The following LYPD8 variants were observed in gnomAD, a reference collection of about 807,000 sequenced individuals.
LYPD8 encodes the protein LY6/PLAUR domain containing 8, also known as ly6/PLAUR domain-containing protein 8.
A neutral mutation model predicts 1.7 loss-of-function variants in LYPD8; 8 were observed. The ratio of observed to expected loss-of-function variants is 4.58; its 90% confidence interval spans 2.69 to 8.27. The LOEUF is 8.27. Ranked by LOEUF, LYPD8 falls within the 30% of genes most tolerant of loss-of-function variation. LYPD8 has a pLI of 0.00. For synonymous variants in LYPD8, 50 were observed against 43.6 expected, an observed-to-expected ratio of 1.15 and a Z score of -0.58; for missense variants, 112 against 102.3, an observed-to-expected ratio of 1.09 and a Z score of -0.41.
rs1448523032 is a variant in LYPD8, at chr1:248,751,057, T to C, written c.25A>G (p.Ile9Val). 3 of 398,494 alleles carry C rather than the reference T, an allele frequency of 7.5e-6. No individual in the cohort carries two copies. Among genetic ancestry groups the C allele is most frequent in the Non-Finnish European group, 1.3e-5 (3 of 226,064 alleles). The allele number at this position is 398,494 out of a possible 1,614,324, so 24.7% of individuals were successfully genotyped here. ...ACAGCTGCAACAAGCACTGCAGTGA[T>C]ACCAGCAACGAGGATGCCCTTCATG... MKGILVAG[I>V]TAVLVAAVES... The change falls in exon 3 of 7, where the codon ATC becomes GTC. Residue 9 changes from isoleucine (I) to valine (V), a missense_variant. By Grantham distance (29) the Ile-to-Val change is conservative (BLOSUM62 3). Transcript: ENST00000590317.
At chr1:248,753,327 CAT>C in intron 2 of LYPD8, among the ~76,000 whole-genome samples, 2 of 123,178 alleles carry the variant, frequency 1.6e-5, no homozygotes, top group Non-Finnish European at 3.3e-5. Flanking sequence ...ACACACAACA[CAT>C]CACACACACC....
At chr1:248,753,560 A>AC (rs1662870639) in intron 2 of LYPD8, among the ~76,000 whole-genome samples, 22 of 109,932 alleles carry the variant, frequency 2.0e-4, no homozygotes, top group African/African-American at 8.6e-4. Flanking sequence ...AACACATCAC[A>AC]CACACAACAC....
chr1:248,746,381 G>A (rs1031268709), intron 5 of LYPD8, among the ~76,000 whole-genome samples: 4 of 152,204 alleles, frequency 2.6e-5, no homozygotes, highest in Non-Finnish European at 5.9e-5. Flanking sequence ...AGGCATGGCG[G>A]AAGTGCTGGT....
intron 2 of LYPD8, among the ~76,000 whole-genome samples, chr1:248,751,359 C>T (rs1330509129): frequency 1.3e-5 from 2 of 152,186 alleles, no homozygotes; most frequent in African/African-American, 4.8e-5. Flanking sequence ...TGAAACACAG[C>T]CAGGGGCCAT....
At chr1:248,741,004 A>G (rs1169260056) in intron 6 of LYPD8, among the ~76,000 whole-genome samples, 1 of 152,180 alleles carries the variant, frequency 6.6e-6, no homozygotes. Context: ...TAGTCCCACT[A>G]CTTGGAGGCT....
Position 248,739,766 on chromosome 1 carries a change from T to A in LYPD8, c.559A>T (p.Thr187Ser), listed in dbSNP as rs924194748. ...TCQFLSGENK[T>S]LGGVIFRKFE... ...TTTCGAAAGATGACTCCTCCAAGAG[T>A]CTTGTTTTCACCAGACAGGAACTGA... is the stretch of plus-strand genomic sequence containing the variant. The change falls in exon 7 of 7, where the codon ACT (threonine) becomes TCT (serine). Residue 187 changes from threonine (T) to serine (S), a missense_variant. Coordinates refer to ENST00000590317, the MANE Select transcript of LYPD8 (RefSeq NM_001085474.2). The surrounding 1 kb of genome is among the most constrained non-coding windows in gnomAD (Gnocchi z 4.3). The A allele has an allele frequency of 5.2e-6, 8 of 1,551,436 alleles. No individual in the cohort carries two copies. The African/African-American group carries it at 6.9e-5, about 13-fold the overall frequency.
chr1:248,750,835 T>G (rs1472945709), intron 3 of LYPD8, among the ~76,000 whole-genome samples, 192 bp from the exon 4 acceptor site: 3 of 152,080 alleles, frequency 2.0e-5, no homozygotes, highest in African/African-American at 7.2e-5. Flanking sequence ...TGCTCACTAT[T>G]CCCCAGTAGA....
intron 2 of LYPD8, among the ~76,000 whole-genome samples, chr1:248,753,058 C>T (rs1662846581): frequency 1.1e-5 from 1 of 91,616 alleles, no homozygotes; most frequent in African/African-American, 4.7e-5. Context: ...CACACACACA[C>T]CCCACACACC....
At chr1:248,752,785 C>T (rs1290417716) in intron 2 of LYPD8, among the ~76,000 whole-genome samples, 8 of 99,136 alleles carry the variant, frequency 8.1e-5, no homozygotes, top group South Asian at 3.2e-4. Context: ...CAACACACAC[C>T]ACACACACAC....
Position 248,750,590 on chromosome 1 carries a change from T to A in LYPD8, c.106A>T (p.Ile36Phe). Reference sequence around the variant, plus strand: ...GCATGTGAGGGACATTCAGAGGCAATGCTGTTGACACAGGATTTTTCCCAT... The same window carrying A: ...GCATGTGAGGGACATTCAGAGGCAAAGCTGTTGACACAGGATTTTTCCCAT... ...NSWEKSCVNS[I>F]ASECPSHANT... is the part of the protein sequence containing the mutation. Residue 36 changes from isoleucine (I) to phenylalanine (F), a missense_variant, in exon 4 of 7, where the codon ATT becomes TTT. By Grantham distance (21) the Ile-to-Phe change is conservative. Transcript: ENST00000590317. The A allele has an allele frequency of 2.5e-6, 1 of 398,614 alleles. No individual in the cohort carries two copies. Among genetic ancestry groups the A allele is most frequent in the Non-Finnish European group, 4.4e-6 (1 of 226,084 alleles). The allele number at this position is 398,614 out of a possible 1,614,324, so 24.7% of individuals were successfully genotyped here. A position where few individuals can be genotyped will look rare whatever the true frequency, so the allele number is the denominator to read the frequency against.
intron 5 of LYPD8, 115 bp downstream of exon 5, chr1:248,748,174 C>T (rs2103170322): frequency 1.6e-5 from 3 of 182,744 alleles, no homozygotes; most frequent in East Asian, 1.7e-4. Context: ...CCCAGGGCAT[C>T]GCCCGCACGG....
At chr1:248,752,401 G>T (rs1232185624) in intron 2 of LYPD8, among the ~76,000 whole-genome samples, 1 of 151,790 alleles carries the variant, frequency 6.6e-6, no homozygotes, top group African/African-American at 2.4e-5. Context: ...CAGCTCCAAA[G>T]CCTAGTTGCA....
chr1:248,753,372 C>T (rs1210451664), intron 2 of LYPD8, among the ~76,000 whole-genome samples: 9 of 115,106 alleles, frequency 7.8e-5, no homozygotes, highest in African/African-American at 3.1e-4. Flanking sequence ...ATCACATACA[C>T]ACCACACACC....
At chr1:248,746,495 G>A (rs1406754875) in intron 5 of LYPD8, among the ~76,000 whole-genome samples, 1 of 152,244 alleles carries the variant, frequency 6.6e-6, no homozygotes, top group East Asian at 1.9e-4. Context: ...AGGGAAAGGA[G>A]AATGGTTGAA....
chr1:248,750,374 G>T, intron 4 of LYPD8, 150 bp downstream of exon 4: 1 of 392,908 alleles, frequency 2.5e-6, no homozygotes, highest in Non-Finnish European at 4.5e-6. Context: ...TCAGCCAAGC[G>T]TTGTTTCTCC....
At chr1:248,741,662 G>C (rs568684973) in intron 6 of LYPD8, among the ~76,000 whole-genome samples, 5 of 152,226 alleles carry the variant, frequency 3.3e-5, no homozygotes, top group Admixed American at 6.5e-5. Flanking sequence ...AGTCCTATGA[G>C]AAAGAGGAAA....
intron 2 of LYPD8, among the ~76,000 whole-genome samples, chr1:248,754,253 A>G (rs887565895): frequency 2.0e-5 from 3 of 150,838 alleles, no homozygotes; most frequent in Admixed American, 6.6e-5. Context: ...CACCCCACAC[A>G]TAAGTCACAC....
intron 2 of LYPD8, among the ~76,000 whole-genome samples, chr1:248,754,224 A>G (rs922905542): frequency 1.9e-4 from 28 of 150,992 alleles, no homozygotes; most frequent in African/African-American, 6.1e-4. Context: ...CATACAACAC[A>G]CCACACACAT....
intron 2 of LYPD8, among the ~76,000 whole-genome samples, chr1:248,754,018 T>A (rs1469744271): frequency 2.6e-4 from 28 of 108,594 alleles, no homozygotes; most frequent in Admixed American, 9.0e-4. Flanking sequence ...ATACACTACA[T>A]CACACACCAC....
Sources: allele counts gnomAD v4.1 joint callset (sites outside exome capture counted in the v4.1 genomes callset), GRCh38; gene constraint gnomAD v4.1.1; non-coding constraint Gnocchi (gnomAD v3.1); transcripts MANE v1.5; gene names NCBI Gene and HGNC (gene_info 2026-07-23, HGNC 2026-07-21).